The following XKR4 variants were observed in gnomAD, a reference collection of about 807,000 sequenced individuals.
The protein encoded by XKR4 is XK-related protein 4.
Under a neutral mutation model 53.9 loss-of-function variants are expected in XKR4, and 12 were observed. The observed-to-expected ratio is 0.22, with a 90% confidence interval of 0.14 to 0.36. The LOEUF (loss-of-function observed/expected upper bound fraction) is 0.36. XKR4 is among the 10% of genes least tolerant of loss of function. XKR4 has a pLI of 1.00. For synonymous variants in XKR4, 354 were observed against 362.4 expected (o/e 0.98, Z 0.26); for missense variants, 799 against 859.5 (o/e 0.93, Z 0.88).
intron 2 of XKR4, among the ~76,000 whole-genome samples, chr8:55,378,093 T>G (rs1804176392): frequency 6.6e-6 from 1 of 152,228 alleles, no homozygotes; most frequent in Non-Finnish European, 1.5e-5. Context: ...ACAGTGTGAA[T>G]GTTGGGAAAA....
intron 2 of XKR4, among the ~76,000 whole-genome samples, chr8:55,421,526 T>C (rs1156329141): frequency 7.0e-6 from 1 of 141,874 alleles, no homozygotes; most frequent in African/African-American, 2.5e-5. Flanking sequence ...CACCTTGGCA[T>C]CTCTCTCTCT....
intron 2 of XKR4, among the ~76,000 whole-genome samples, chr8:55,400,243 G>C (rs1294146504): frequency 2.0e-5 from 3 of 152,164 alleles, no homozygotes; most frequent in East Asian, 1.9e-4. Flanking sequence ...TCTAGCTCAT[G>C]ATGGGTGCCA....
In XKR4 at chr8:55,357,665, GT is replaced by G; in HGVS notation, c.807-9del. Reference sequence around the variant, plus strand: ...CACTCATCTCTTTCTTATTCTCCATGTTTTCTTTCTAGATATTTCCACACAA... The same window carrying G: ...CACTCATCTCTTTCTTATTCTCCATGTTTCTTTCTAGATATTTCCACACAA... On this transcript the variant is annotated splice_polypyrimidine_tract_variant and intron_variant, in intron 1 of 2. Transcript: ENST00000327381. 6.2e-7 allele frequency: 1 copy of G among 1,613,704 alleles called. No individual in the cohort carries two copies.
chr8:55,454,186 C>T (rs1805513798), intron 2 of XKR4: 11 of 1,015,346 alleles, frequency 1.1e-5, no homozygotes, highest in Non-Finnish European at 1.6e-5. Flanking sequence ...TCTGACTCTG[C>T]AGTGGCTCTA....
At chr8:55,139,386 T>C (rs555592565) in intron 1 of XKR4, among the ~76,000 whole-genome samples, 1 of 152,000 alleles carries the variant, frequency 6.6e-6, no homozygotes, top group South Asian at 2.1e-4. Flanking sequence ...ATACAAAAAT[T>C]ATCTGGATGC....
intron 1 of XKR4, among the ~76,000 whole-genome samples, chr8:55,184,475 T>C (rs1414927517): frequency 1.3e-5 from 2 of 152,218 alleles, no homozygotes; most frequent in East Asian, 3.8e-4. Flanking sequence ...CAGAGTCCCC[T>C]GAAGCCCTTT....
Position 55,513,657 on chromosome 8 carries a change from G to A in XKR4, c.1007-9624G>A, listed in dbSNP as rs372043381. 4.2e-4 allele frequency among the ~76,000 whole-genome samples: 64 copies of A among 152,294 alleles called. 2 individuals are homozygous for A. Among genetic ancestry groups the A allele is most frequent in the African/African-American group, 1.5e-3 (64 of 41,556 alleles). Reference sequence around the variant, plus strand: ...TGTCCATACTCCACCTTGTGTATAGGAGGTACTGACACCAGGAGGTTCCAT... The same window carrying A: ...TGTCCATACTCCACCTTGTGTATAGAAGGTACTGACACCAGGAGGTTCCAT... On this transcript the variant is annotated intron_variant, in intron 2 of 2. Transcript: ENST00000327381.
chr8:55,151,451 C>T (rs1359343520), intron 1 of XKR4, among the ~76,000 whole-genome samples: 1 of 152,174 alleles, frequency 6.6e-6, no homozygotes, highest in African/African-American at 2.4e-5. Context: ...CATGACATGA[C>T]TACAAAATGA....
intron 1 of XKR4, among the ~76,000 whole-genome samples, chr8:55,300,864 A>G (rs550107018): frequency 1.3e-5 from 2 of 152,170 alleles, no homozygotes; most frequent in Admixed American, 1.3e-4. Context: ...AAAGGAAGGA[A>G]CAATGAAGGC....
chr8:55,280,819 C>T (rs1446584237), intron 1 of XKR4, among the ~76,000 whole-genome samples: 1 of 152,052 alleles, frequency 6.6e-6, no homozygotes, highest in Non-Finnish European at 1.5e-5. Flanking sequence ...GACTAAATGC[C>T]CATTCTATAC....
At chr8:55,318,825 G>T (rs1199732201) in intron 1 of XKR4, among the ~76,000 whole-genome samples, 1 of 152,122 alleles carries the variant, frequency 6.6e-6, no homozygotes, top group Non-Finnish European at 1.5e-5. Context: ...CAACTTTGCA[G>T]GAAAAGAGTT....
In XKR4 at chr8:55,513,819, T is replaced by C. The variant is rs1278690924; in HGVS notation, c.1007-9462T>C. Among the ~76,000 whole-genome samples, 3 of 152,292 alleles carry C rather than the reference T, an allele frequency of 2.0e-5. 1 individual carries two copies. Among genetic ancestry groups the C allele is most frequent in the Non-Finnish European group, 1.5e-5 (1 of 68,022 alleles). On this transcript the variant is annotated intron_variant, in intron 2 of 2. Coordinates refer to ENST00000327381, the MANE Select transcript of XKR4 (RefSeq NM_052898.2). Reference sequence around the variant, plus strand: ...TCACAATTGGCCTAAAATGTTTCCATGCATATAGGAAAAAGTGTAAGGACT... The same window carrying C: ...TCACAATTGGCCTAAAATGTTTCCACGCATATAGGAAAAAGTGTAAGGACT...
At chr8:55,362,401 G>A (rs192050180) in intron 2 of XKR4, among the ~76,000 whole-genome samples, 49 of 152,318 alleles carry the variant, frequency 3.2e-4, no homozygotes, top group Non-Finnish European at 5.4e-4. Context: ...TGGACCAAAA[G>A]AGACCGAAGC....
Position 55,484,880 on chromosome 8 carries a change from G to A in XKR4, c.1007-38401G>A, listed in dbSNP as rs550373262. On this transcript the variant is annotated intron_variant, in intron 2 of 2. Coordinates refer to ENST00000327381, the MANE Select transcript of XKR4 (RefSeq NM_052898.2). ...TTGGACTGGAACCTACATCACTGGC[G>A]CTTCTATTTCTCTGGCTTTCAGTCC... Among the ~76,000 whole-genome samples, 157 of 152,304 alleles carry A rather than the reference G, an allele frequency of 1.0e-3. 1 individual carries two copies. Among genetic ancestry groups the A allele is most frequent in the African/African-American group, 3.5e-3 (147 of 41,562 alleles).
At chr8:55,103,395 C>A (rs952036705) in intron 1 of XKR4, 101 bp downstream of exon 1, 7 of 1,489,332 alleles carry the variant, frequency 4.7e-6, no homozygotes, top group Non-Finnish European at 6.2e-6. Context: ...TTGGTAGTAA[C>A]CCTAGTCACA....
chr8:55,106,722 C>T (rs1816155033), intron 1 of XKR4, among the ~76,000 whole-genome samples: 2 of 152,234 alleles, frequency 1.3e-5, no homozygotes, highest in South Asian at 4.1e-4. Flanking sequence ...TAATTATTTT[C>T]CAGAAAATAT....
At chr8:55,301,665 CTG>C (rs1274681205) in intron 1 of XKR4, among the ~76,000 whole-genome samples, 3 of 152,108 alleles carry the variant, frequency 2.0e-5, no homozygotes, top group African/African-American at 7.2e-5. Context: ...CTGTTGTTTC[CTG>C]ACTTTTTAAT....
At chr8:55,408,857 A>C (rs1290323563) in intron 2 of XKR4, among the ~76,000 whole-genome samples, 2 of 152,106 alleles carry the variant, frequency 1.3e-5, no homozygotes, top group African/African-American at 4.8e-5. Context: ...ATATACAAAA[A>C]TTAGCAGGGC....
intron 2 of XKR4, among the ~76,000 whole-genome samples, chr8:55,495,387 G>T (rs1290456996): frequency 6.6e-6 from 1 of 152,186 alleles, no homozygotes; most frequent in Non-Finnish European, 1.5e-5. Context: ...CTCAGAAGGA[G>T]CAGGGCTTCC....
Sources: gnomAD v4.1 joint callset for allele counts (sites outside exome capture counted in the v4.1 genomes callset) on GRCh38, gnomAD v4.1.1 for gene constraint, MANE v1.5 for transcripts, NCBI Gene and HGNC (gene_info 2026-07-23, HGNC 2026-07-21) for gene names.